Variants in ZC3H12B observed in about 807,000 individuals in gnomAD.
The protein encoded by ZC3H12B is probable ribonuclease ZC3H12B.
Under a neutral mutation model 43.9 loss-of-function variants are expected in ZC3H12B, and 7 were observed. The ratio of observed to expected loss-of-function variants is 0.16; its 90% CI spans 0.09 to 0.30. The LOEUF (loss-of-function observed/expected upper bound fraction) is 0.30. Ranked by LOEUF, ZC3H12B falls within the 10% of genes least tolerant of loss-of-function variation. The pLI, the probability that ZC3H12B is intolerant of heterozygous loss-of-function variation, is 1.00. For synonymous variants in ZC3H12B, 222 were observed against 241.7 expected, an observed-to-expected ratio of 0.92 and a Z score of 0.76; for missense variants, 475 against 670.2, an observed-to-expected ratio of 0.71 and a Z score of 3.22.
chrX:65,238,570 T>C, the ZC3H12B span, among the ~76,000 whole-genome samples: 1 of 111,657 alleles, frequency 9.0e-6, no homozygotes, highest in African/African-American at 3.3e-5. Context: ...GAAGTTTTGT[T>C]TGTGTCTCTA....
the ZC3H12B span, among the ~76,000 whole-genome samples, chrX:65,334,781 A>G: frequency 8.9e-6 from 1 of 111,842 alleles, no homozygotes; most frequent in Admixed American, 9.5e-5. Context: ...ATCCCCCAAA[A>G]TTAAGGGTCC....
the ZC3H12B span, among the ~76,000 whole-genome samples, chrX:65,114,026 T>TATATATATATATATATATATA: frequency 2.1e-4 from 17 of 82,573 alleles, no homozygotes; most frequent in South Asian, 7.0e-4. Context: ...TATATATATA[T>TATATATATATATATATATATA]TCATCTTTAG....
chrX:65,190,439 G>C, the ZC3H12B span, among the ~76,000 whole-genome samples: 1 of 110,992 alleles, frequency 9.0e-6, no homozygotes, highest in Non-Finnish European at 1.9e-5. Context: ...AGCATGGAAT[G>C]TTCTTCCATT....
intron 3 of ZC3H12B, among the ~76,000 whole-genome samples, chrX:65,466,403 TATATC>T (rs1255243281): frequency 2.7e-5 from 3 of 110,149 alleles, no homozygotes; most frequent in Non-Finnish European, 5.7e-5. Flanking sequence ...ATTATCTATA[TATATC>T]ATATTATTAT....
intron 3 of ZC3H12B, among the ~76,000 whole-genome samples, chrX:65,411,940 A>G (rs2148068438): frequency 9.1e-6 from 1 of 110,185 alleles, no homozygotes; most frequent in Non-Finnish European, 1.9e-5. Flanking sequence ...AAATAAAAAC[A>G]ATATTACAAA....
the ZC3H12B span, among the ~76,000 whole-genome samples, chrX:65,085,497 G>A: frequency 9.0e-6 from 1 of 111,389 alleles, no homozygotes; most frequent in Non-Finnish European, 1.9e-5. Context: ...TTAGAGGCTG[G>A]GTGTAATGGC....
chrX:65,224,137 G>T, the ZC3H12B span, among the ~76,000 whole-genome samples: 26,941 of 111,897 alleles, frequency 0.24, 7,708 homozygotes, highest in African/African-American at 0.83. Flanking sequence ...AGGAATGAAA[G>T]AGTGGAATTC....
chrX:65,215,168 G>C, the ZC3H12B span, among the ~76,000 whole-genome samples: 1 of 111,975 alleles, frequency 8.9e-6, no homozygotes, highest in East Asian at 2.8e-4. Context: ...AATGGCTTTA[G>C]AGCTTTTGGA....
the ZC3H12B span, among the ~76,000 whole-genome samples, chrX:65,197,140 C>A: frequency 6.5e-4 from 73 of 112,195 alleles, no homozygotes; most frequent in South Asian, 8.1e-3. Context: ...GCAAAAGGCG[C>A]GAGACAAAGT....
chrX:65,429,572 G>A (rs2067127026), intron 3 of ZC3H12B, among the ~76,000 whole-genome samples: 1 of 112,532 alleles, frequency 8.9e-6, no homozygotes, highest in Non-Finnish European at 1.9e-5. Flanking sequence ...GGGGGTGGGG[G>A]GCTTTCTCAC....
the ZC3H12B span, among the ~76,000 whole-genome samples, chrX:65,054,557 A>C: frequency 4.5e-5 from 5 of 111,557 alleles, no homozygotes; most frequent in Non-Finnish European, 7.5e-5. Flanking sequence ...TTAGGGTTGA[A>C]TTGGCAATGC....
At chrX:65,356,573 AC>A in the ZC3H12B span, among the ~76,000 whole-genome samples, 1 of 112,418 alleles carries the variant, frequency 8.9e-6, no homozygotes, top group East Asian at 2.8e-4. Flanking sequence ...GACTGTATAT[AC>A]CATAATGTAA....
the ZC3H12B span, among the ~76,000 whole-genome samples, chrX:65,343,549 T>C: frequency 8.9e-6 from 1 of 111,902 alleles, no homozygotes. Context: ...ATGTGATTCA[T>C]CACCAAACAG....
At chrX:65,202,288 G>C in the ZC3H12B span, among the ~76,000 whole-genome samples, 10 of 102,771 alleles carry the variant, frequency 9.7e-5, no homozygotes, top group Admixed American at 1.1e-3. Flanking sequence ...CTTGAAGCTT[G>C]TGAATGTTCA....
chrX:65,391,644 G>A (rs2066617677), intron 2 of ZC3H12B, among the ~76,000 whole-genome samples: 1 of 111,479 alleles, frequency 9.0e-6, no homozygotes, highest in Non-Finnish European at 1.9e-5. Context: ...GAACAAAGTA[G>A]TTGCTCCATG....
chrX:65,395,449 C>T (rs1000677477), intron 2 of ZC3H12B, among the ~76,000 whole-genome samples: 3 of 112,323 alleles, frequency 2.7e-5, no homozygotes, highest in Non-Finnish European at 3.8e-5. Context: ...GCCTTTTCTG[C>T]ATCTATTGAG....
chrX:65,448,885 T>TAAAG (rs746465814), intron 3 of ZC3H12B, among the ~76,000 whole-genome samples: 10 of 55,091 alleles, frequency 1.8e-4, no homozygotes, highest in Non-Finnish European at 2.8e-4. Flanking sequence ...GGGAAATAAA[T>TAAAG]AAAGAAAGAA....
chrX:65,348,345 C>G, the ZC3H12B span, among the ~76,000 whole-genome samples: 14 of 111,493 alleles, frequency 1.3e-4, no homozygotes, highest in African/African-American at 3.9e-4. Context: ...GCCTGCCTTA[C>G]AAGATATCCT....
In ZC3H12B at chrX:65,419,471, G is replaced by A. The variant is rs779239652; in HGVS notation, n.407+20767G>A. Among the ~76,000 whole-genome samples the A allele has an allele frequency of 3.1e-4, 35 of 111,764 alleles. No individual in the cohort carries two copies. The South Asian group carries it at 0.013, about 42-fold the overall frequency. On this transcript the variant is annotated intron_variant and non_coding_transcript_variant, in intron 3 of 5. Transcript: ENST00000617377. Reference sequence around the variant, plus strand: ...CTTTTGAAGAAACATGGTAAGTCTAGGTAAGGGATTACAGCACCTGGGAGT... The same window carrying A: ...CTTTTGAAGAAACATGGTAAGTCTAAGTAAGGGATTACAGCACCTGGGAGT...
Sources: gnomAD v4.1 joint callset for allele counts (sites outside exome capture counted in the v4.1 genomes callset) on GRCh38, gnomAD v4.1.1 for gene constraint, MANE v1.5 for transcripts, NCBI Gene and HGNC (gene_info 2026-07-23, HGNC 2026-07-21) for gene names.